The following HPSE2 variants were observed in gnomAD, a reference collection of about 807,000 sequenced individuals.
HPSE2 encodes heparanase 2 (inactive).
HPSE2 carries 38 observed loss-of-function variants against 60.5 expected under a neutral mutation model. That is an observed-to-expected ratio of 0.63 (90% CI 0.48 to 0.82). HPSE2 has a LOEUF of 0.82. Among genes scored for constraint, HPSE2 ranks in the 40% least tolerant of loss-of-function variants. HPSE2 has a pLI of 0.00. For missense variants in HPSE2, 713 were observed against 740.4 expected (o/e 0.96, Z 0.43); for synonymous variants, 295 against 293.2 (o/e 1.01, Z -0.06).
chr10:98,719,541 A>T (rs1215009705), intron 5 of HPSE2, among the ~76,000 whole-genome samples: 2 of 151,798 alleles, frequency 1.3e-5, no homozygotes, highest in Non-Finnish European at 2.9e-5. Context: ...AATTTACATT[A>T]AAAATTTACT....
chr10:98,939,108 C>A (rs1954905302), intron 3 of HPSE2, among the ~76,000 whole-genome samples: 2 of 143,858 alleles, frequency 1.4e-5, no homozygotes, highest in African/African-American at 5.7e-5. Context: ...AAAGGAACAA[C>A]CAGTTCCAGC....
At chr10:98,545,478 T>G (rs1943637087) in intron 9 of HPSE2, among the ~76,000 whole-genome samples, 1 of 152,208 alleles carries the variant, frequency 6.6e-6, no homozygotes, top group Non-Finnish European at 1.5e-5. Flanking sequence ...GCTTCATCCC[T>G]GGGATGGAAG....
intron 3 of HPSE2, among the ~76,000 whole-genome samples, chr10:98,932,519 GT>G (rs1211138167): frequency 7.0e-6 from 1 of 143,256 alleles, no homozygotes; most frequent in Non-Finnish European, 1.5e-5. Context: ...CTTCACAATT[GT>G]TTGGAATAGT....
In HPSE2 at chr10:99,189,168, T is replaced by C. The variant is rs568727063; in HGVS notation, c.448+43180A>G. Among the ~76,000 whole-genome samples, 6 of 152,292 alleles carry C rather than the reference T, an allele frequency of 3.9e-5. No individual in the cohort carries two copies. In the South Asian group the frequency reaches 8.3e-4, roughly 21 times the overall value. Reference sequence around the variant, plus strand: ...AGACAAACTGTCCATCCAATGCAAGTTTTTCAGTAATGAATATCAGACCAC... The same window carrying C: ...AGACAAACTGTCCATCCAATGCAAGCTTTTCAGTAATGAATATCAGACCAC... On this transcript the variant is annotated intron_variant, in intron 2 of 11. Coordinates refer to ENST00000370552, the MANE Select transcript of HPSE2 (RefSeq NM_021828.5).
the HPSE2 span, among the ~76,000 whole-genome samples, chr10:99,272,755 AAAAAAAAT>A: frequency 6.6e-6 from 1 of 151,486 alleles, no homozygotes; most frequent in Admixed American, 6.6e-5. Context: ...GGGCATAATA[AAAAAAAAT>A]AAAAAAATAA....
chr10:98,691,794 A>C (rs1231396811), intron 6 of HPSE2, among the ~76,000 whole-genome samples: 1 of 152,180 alleles, frequency 6.6e-6, no homozygotes, highest in Non-Finnish European at 1.5e-5. Flanking sequence ...ATTTCCTCTA[A>C]GTTAAAGTAA....
upstream of HPSE2, among the ~76,000 whole-genome samples, chr10:99,240,446 T>C (rs1849918705): frequency 1.3e-5 from 2 of 149,092 alleles, no homozygotes; most frequent in Admixed American, 1.3e-4. Context: ...AGTCTCACTC[T>C]GTCACCCAGG....
chr10:99,025,010 A>G (rs1284005057), intron 3 of HPSE2, among the ~76,000 whole-genome samples: 1 of 152,168 alleles, frequency 6.6e-6, no homozygotes, highest in East Asian at 1.9e-4. Flanking sequence ...AAGTACACAG[A>G]AAAACACAGA....
chr10:99,110,152 GAAAAA>G (rs1324806988), intron 3 of HPSE2, among the ~76,000 whole-genome samples: 1 of 152,124 alleles, frequency 6.6e-6, no homozygotes, highest in Non-Finnish European at 1.5e-5. Context: ...TATTTTAAAA[GAAAAA>G]GACATGCTCT....
chr10:99,149,282 TA>T (rs1846172380), intron 2 of HPSE2, among the ~76,000 whole-genome samples: 1 of 152,112 alleles, frequency 6.6e-6, no homozygotes, highest in Non-Finnish European at 1.5e-5. Context: ...TCCCTGGAGA[TA>T]TTCAAGCAGA....
rs571580817 is a variant in HPSE2, at chr10:98,934,019, A to T, written c.611-189963T>A. ...AGTGCTGAGATTACAGGCTTGAGCC[A>T]GTGAGCCTGGCACCTTCTTCGTCTT... On this transcript the variant is annotated intron_variant, in intron 3 of 11. Transcript: ENST00000370552. 4.2e-4 allele frequency among the ~76,000 whole-genome samples: 60 copies of T among 144,110 alleles called. 16 individuals carry two copies. The highest frequency in any genetic ancestry group is 1.6e-3 in the African/African-American group (58 of 35,576). 94.5% of individuals were successfully genotyped at this position (144,110 alleles called of 152,430 possible).
At chr10:98,658,691 A>C (rs1265992166) in intron 6 of HPSE2, among the ~76,000 whole-genome samples, 1 of 152,176 alleles carries the variant, frequency 6.6e-6, no homozygotes, top group Admixed American at 6.5e-5. Flanking sequence ...TATATGATGT[A>C]AGGTATGGAT....
At chr10:99,266,876 G>A in the HPSE2 span, among the ~76,000 whole-genome samples, 1 of 152,132 alleles carries the variant, frequency 6.6e-6, no homozygotes, top group Non-Finnish European at 1.5e-5. Context: ...GCTCTGCTGG[G>A]AGACTAGATC....
chr10:99,229,152 C>A (rs554203794), intron 2 of HPSE2, among the ~76,000 whole-genome samples: 5 of 147,540 alleles, frequency 3.4e-5, no homozygotes, highest in Admixed American at 6.8e-5. Flanking sequence ...CTAGCCTGGG[C>A]AAAAGAGGAG....
At chr10:98,684,762 G>T (rs1295547279) in intron 6 of HPSE2, among the ~76,000 whole-genome samples, 1 of 151,940 alleles carries the variant, frequency 6.6e-6, no homozygotes, top group Admixed American at 6.6e-5. Flanking sequence ...TGGGAAGGGA[G>T]GAGCTGGGCA....
intron 11 of HPSE2, among the ~76,000 whole-genome samples, chr10:98,467,739 T>A (rs1274685276): frequency 1.3e-5 from 2 of 152,224 alleles, no homozygotes; most frequent in Non-Finnish European, 2.9e-5. Flanking sequence ...GGCCGGGAGA[T>A]GTGCCCTGCG....
intron 2 of HPSE2, among the ~76,000 whole-genome samples, chr10:99,168,158 T>G (rs1387081803): frequency 1.3e-5 from 2 of 151,198 alleles, no homozygotes; most frequent in African/African-American, 2.4e-5. Context: ...TGCATTGAAT[T>G]TATACATTAA....
chr10:98,558,120 GA>G (rs200514443), intron 9 of HPSE2, among the ~76,000 whole-genome samples: 1 of 150,410 alleles, frequency 6.6e-6, no homozygotes. Context: ...TGGCTAAAAT[GA>G]AAAAAAAATC....
chr10:99,070,552 T>C (rs76504401), intron 3 of HPSE2, among the ~76,000 whole-genome samples: 238 of 152,326 alleles, frequency 1.6e-3, no homozygotes, highest in Non-Finnish European at 3.2e-3. Flanking sequence ...ATCAAGTATA[T>C]AATTCAGTAT....
Sources: gnomAD v4.1 joint callset for allele counts (sites outside exome capture counted in the v4.1 genomes callset) on GRCh38, gnomAD v4.1.1 for gene constraint, MANE v1.5 for transcripts, NCBI Gene and HGNC (gene_info 2026-07-23, HGNC 2026-07-21) for gene names.